Variants in KMT2E observed in about 807,000 individuals in gnomAD.
The protein encoded by KMT2E is lysine methyltransferase 2E (inactive), also known as histone reader KMT2E.
In KMT2E, 30 loss-of-function variants were observed where a neutral mutation model predicts 184.6. The ratio of observed to expected loss-of-function variants is 0.16; its 90% CI spans 0.12 to 0.22. The LOEUF is 0.22. Among genes scored for constraint, KMT2E ranks in the 10% least tolerant of loss-of-function variants. KMT2E has a pLI of 1.00. For synonymous variants in KMT2E, 815 were observed against 776.5 expected (o/e 1.05, Z -0.82); for missense variants, 2,023 against 2,237.4 (o/e 0.90, Z 1.93).
intron 3 of KMT2E, among the ~76,000 whole-genome samples, chr7:105,054,597 C>G (rs759998038): frequency 1.3e-4 from 20 of 152,084 alleles, no homozygotes; most frequent in Non-Finnish European, 2.5e-4. Flanking sequence ...TCACTGCAAC[C>G]TCTGCTTCCT....
chr7:105,054,432 G>C (rs1327227971), intron 3 of KMT2E, among the ~76,000 whole-genome samples: 1 of 151,770 alleles, frequency 6.6e-6, no homozygotes. Flanking sequence ...ATTATTTGTT[G>C]TAAAAGCAAG....
rs905976487 is a variant in KMT2E, at chr7:105,080,768, T to G, written c.1249-920T>G. Among the ~76,000 whole-genome samples, 65 of 151,908 alleles carry G rather than the reference T, an allele frequency of 4.3e-4. 1 individual carries two copies. Among genetic ancestry groups the G allele is most frequent in the Admixed American group, 4.1e-3 (62 of 15,238 alleles). ...GCTCACACCTGTAATCCCAGCACTT[T>G]GGGAGGCCAAAGTGGGTGGATCACC... is the stretch of plus-strand genomic sequence containing the variant. On this transcript the variant is annotated intron_variant, in intron 12 of 26. Transcript: ENST00000311117.
rs140014560 is a variant in KMT2E at position 105,112,790 on chromosome 7, C to T, written c.5034C>T (p.Pro1678=). ...IHSQTAGHHL[P]PPPPPPGPAP... ...CTCAAACTGCTGGACACCACTTACC[C>T]CCACCCCCACCCCCTCCTGGTCCTG... The change falls in exon 27 of 27, where the codon CCC becomes CCT. Residue 1678 remains proline, a synonymous_variant. Transcript: ENST00000311117. 433 of 1,573,076 alleles carry T rather than the reference C, an allele frequency of 2.8e-4. No individual in the cohort carries two copies. The highest frequency in any genetic ancestry group is 3.4e-4 in the Non-Finnish European group (392 of 1,154,298).
intron 8 of KMT2E, 48 bp downstream of exon 8, chr7:105,074,863 G>C: frequency 7.2e-7 from 1 of 1,392,288 alleles, no homozygotes. Flanking sequence ...AGCGGATAGG[G>C]AACTGAATTT....
chr7:105,064,150 AT>A (rs1314166153), intron 5 of KMT2E: 31 of 58,122 alleles, frequency 5.3e-4, no homozygotes, highest in South Asian at 1.0e-3. Context: ...GTTTTGTATC[AT>A]TTTTTTTTCT....
chr7:105,033,119 A>G (rs1795494584), intron 1 of KMT2E, among the ~76,000 whole-genome samples: 1 of 152,206 alleles, frequency 6.6e-6, no homozygotes, highest in Non-Finnish European at 1.5e-5. Flanking sequence ...TTCTCCCATT[A>G]TATTTGGCTT....
intron 3 of KMT2E, among the ~76,000 whole-genome samples, chr7:105,043,235 T>C (rs1795955938): frequency 6.6e-6 from 1 of 151,312 alleles, no homozygotes; most frequent in Admixed American, 6.6e-5. Flanking sequence ...AAATTTCTTT[T>C]TTTCTTTTTT....
Position 105,077,002 on chromosome 7 carries a change from A to C in KMT2E, c.808A>C (p.Asn270His), listed in dbSNP as rs780848218. The change falls in exon 10 of 27, where the codon AAT (asparagine) becomes CAT (histidine). Residue 270 changes from asparagine (N) to histidine (H), a missense_variant. Coordinates refer to ENST00000311117, the MANE Select transcript of KMT2E (RefSeq NM_182931.3). ...PEIDPSSDGS[N>H]FGWETKIKAW... Reference sequence around the variant, plus strand: ...GATTGATCCTTCATCTGATGGTTCAAATTTTGGATGGGAGACAAAGATCAA... The same window carrying C: ...GATTGATCCTTCATCTGATGGTTCACATTTTGGATGGGAGACAAAGATCAA... 3.7e-6 allele frequency: 6 copies of C among 1,613,414 alleles called. No homozygotes were observed. The highest frequency in any genetic ancestry group is 4.2e-6 in the Non-Finnish European group (5 of 1,179,920).
At chr7:105,044,229 A>G (rs1796006082) in intron 3 of KMT2E, among the ~76,000 whole-genome samples, 1 of 152,022 alleles carries the variant, frequency 6.6e-6, no homozygotes, top group Non-Finnish European at 1.5e-5. Flanking sequence ...GGGTAACTCT[A>G]GTCTAAAATA....
At position 105,112,231 on chromosome 7, in the gene KMT2E, A is replaced by G. The variant is rs1799329174; in HGVS notation, c.4475A>G (p.Gln1492Arg). 1.2e-6 allele frequency: 2 copies of G among 1,614,188 alleles called. No homozygotes were observed. The highest frequency in any genetic ancestry group is 1.7e-6 in the Non-Finnish European group (2 of 1,180,032). The change falls in exon 27 of 27, where the codon CAG becomes CGG. Residue 1492 changes from glutamine (Q) to arginine (R), a missense_variant. Gln to Arg is a conservative substitution (Grantham distance 43, BLOSUM62 1). Around this residue, in one of 8 missense-constraint regions of KMT2E, gnomAD observed 1,108 missense variants for 1,050.9 expected, o/e 1.05. Coordinates refer to ENST00000311117, the MANE Select transcript of KMT2E (RefSeq NM_182931.3). Reference sequence around the variant, plus strand: ...CAGTCACCTCAAGTTGGAACACCTCAGCGAGAGCCTCAAAGAAACTTTTAT... The same window carrying G: ...CAGTCACCTCAAGTTGGAACACCTCGGCGAGAGCCTCAAAGAAACTTTTAT... ...HSQSPQVGTP[Q>R]REPQRNFYPA...
intron 4 of KMT2E, 74 bp downstream of exon 4, chr7:105,062,352 C>T: frequency 1.1e-6 from 1 of 879,212 alleles, no homozygotes; most frequent in South Asian, 1.9e-5. Flanking sequence ...TGATACTGTG[C>T]TTGAAACGGC....
chr7:105,046,859 A>G (rs1445440547), intron 3 of KMT2E, among the ~76,000 whole-genome samples: 1 of 152,234 alleles, frequency 6.6e-6, no homozygotes, highest in African/African-American at 2.4e-5. Flanking sequence ...CCATTAAAAT[A>G]GTTGTATTTT....
chr7:105,063,236 C>T, intron 4 of KMT2E, 115 bp from the exon 5 acceptor site: 3 of 705,796 alleles, frequency 4.3e-6, no homozygotes, highest in Non-Finnish European at 6.8e-6. Context: ...AGGAATGAGC[C>T]AGTCTCATAT....
In KMT2E at chr7:105,102,161, T is replaced by C. The variant is rs1408495995; in HGVS notation, c.2163T>C (p.Asn721=). Reference sequence around the variant, plus strand: ...CTGAAACTGAAGTTCCAGCACTTAATAAATGTCCTACCAAGTACCCCAAAA... The same window carrying C: ...CTGAAACTGAAGTTCCAGCACTTAACAAATGTCCTACCAAGTACCCCAAAA... ...IITETEVPAL[N]KCPTKYPKTK... is the part of the protein sequence containing the mutation. Residue 721 remains asparagine, a synonymous_variant, in exon 17 of 27, where the codon AAT becomes AAC. Coordinates refer to ENST00000311117, the MANE Select transcript of KMT2E (RefSeq NM_182931.3). The C allele has an allele frequency of 1.2e-6, 2 of 1,611,380 alleles. No homozygotes were observed. The highest frequency in any genetic ancestry group is 1.1e-5 in the South Asian group (1 of 90,468).
intron 3 of KMT2E, among the ~76,000 whole-genome samples, chr7:105,060,837 A>G (rs927714879): frequency 1.5e-4 from 23 of 152,364 alleles, no homozygotes; most frequent in South Asian, 8.3e-4. Context: ...AGCGCATAAC[A>G]TGCTGTATAG....
intron 3 of KMT2E, among the ~76,000 whole-genome samples, chr7:105,045,767 A>G (rs548235456): frequency 1.3e-5 from 2 of 152,166 alleles, no homozygotes; most frequent in Non-Finnish European, 2.9e-5. Flanking sequence ...GTATACAGGT[A>G]TCTGTTTGAC....
chr7:105,099,292 T>C (rs1798554403), intron 15 of KMT2E, among the ~76,000 whole-genome samples: 1 of 152,144 alleles, frequency 6.6e-6, no homozygotes, highest in African/African-American at 2.4e-5. Flanking sequence ...AGAAGAGTAA[T>C]ACAGAAACCA....
At chr7:105,092,034 T>A (rs1414199543) in intron 15 of KMT2E, among the ~76,000 whole-genome samples, 2 of 152,226 alleles carry the variant, frequency 1.3e-5, no homozygotes, top group Non-Finnish European at 2.9e-5. Context: ...CATTCCCCTT[T>A]ACTTTGTATG....
chr7:105,100,147 ACCTCAGTTT>A (rs1319729252), intron 15 of KMT2E, among the ~76,000 whole-genome samples: 1 of 152,182 alleles, frequency 6.6e-6, no homozygotes, highest in East Asian at 1.9e-4. Context: ...ACCTCTTTGG[ACCTCAGTTT>A]CCTCAGAGTC....
Sources: allele counts gnomAD v4.1 joint callset (sites outside exome capture counted in the v4.1 genomes callset), GRCh38; gene constraint gnomAD v4.1.1; regional missense constraint gnomAD v4.1.1; transcripts MANE v1.5; gene names NCBI Gene and HGNC (gene_info 2026-07-23, HGNC 2026-07-21).